ZDHHC18: variants seen among roughly 807,000 people sequenced by gnomAD.
The protein encoded by ZDHHC18 is palmitoyltransferase ZDHHC18.
In ZDHHC18, 23 loss-of-function variants were observed where a neutral mutation model predicts 37.5. That is an observed-to-expected ratio of 0.61 (90% CI 0.44 to 0.87). ZDHHC18 has a LOEUF of 0.87. ZDHHC18 is among the 40% of genes least tolerant of loss of function. The probability of loss-of-function intolerance (pLI) is 0.00; values close to 1 mark genes in which losing one functional copy is unlikely to be tolerated. For synonymous variants in ZDHHC18, 185 were observed against 218.7 expected, an observed-to-expected ratio of 0.85 and a Z score of 1.36; for missense variants, 406 against 525.6, an observed-to-expected ratio of 0.77 and a Z score of 2.22.
intron 2 of ZDHHC18, among the ~76,000 whole-genome samples, chr1:26,847,057 G>A (rs1285225802): frequency 2.6e-5 from 4 of 151,788 alleles, no homozygotes; most frequent in Non-Finnish European, 5.9e-5. Flanking sequence ...CACCACAACC[G>A]GTTAATTTTT....
At chr1:26,851,096 C>A (rs760500948) in intron 5 of ZDHHC18, 33 bp from the exon 6 acceptor site, 67 of 1,594,258 alleles carry the variant, frequency 4.2e-5, no homozygotes, top group Non-Finnish European at 5.8e-5. Flanking sequence ...GGCTCCCCAC[C>A]CTCCACCCAT....
intron 3 of ZDHHC18, among the ~76,000 whole-genome samples, chr1:26,849,443 C>T (rs1403346886): frequency 6.6e-6 from 1 of 152,214 alleles, no homozygotes; most frequent in Non-Finnish European, 1.5e-5. Context: ...CATGCCAGCT[C>T]AGTACTCCCT....
At chr1:26,853,601 CTCCTTTCCTCA>C (rs2081718018) in intron 7 of ZDHHC18, 114 bp from the exon 8 acceptor site, 2 of 923,988 alleles carry the variant, frequency 2.2e-6, no homozygotes, top group South Asian at 3.1e-5. Flanking sequence ...GGCAGCAGCT[CTCCTTTCCTCA>C]GCCTTTCTCA....
chr1:26,846,235 G>GAGATATATAGATATATATCTCT (rs1557644339), intron 2 of ZDHHC18, among the ~76,000 whole-genome samples: 2 of 10,948 alleles, frequency 1.8e-4, no homozygotes, highest in East Asian at 9.6e-3. Context: ...TGTATATAGA[G>GAGATATATAGATATATATCTCT]AGAGAGATAT....
chr1:26,846,168 CTATA>C (rs2081663146), intron 2 of ZDHHC18, among the ~76,000 whole-genome samples: 1 of 139,856 alleles, frequency 7.2e-6, no homozygotes, highest in Non-Finnish European at 1.5e-5. Context: ...GTATATATGT[CTATA>C]TATACACATA....
intron 2 of ZDHHC18, among the ~76,000 whole-genome samples, chr1:26,846,181 T>C (rs1009631313): frequency 1.4e-5 from 2 of 140,850 alleles, no homozygotes; most frequent in Admixed American, 1.5e-4. Flanking sequence ...TATATACACA[T>C]ATATCTATAT....
intron 2 of ZDHHC18, among the ~76,000 whole-genome samples, chr1:26,843,855 A>G (rs1462066320): frequency 6.6e-6 from 1 of 152,148 alleles, no homozygotes; most frequent in African/African-American, 2.4e-5. Context: ...GAATGTACAC[A>G]TGTAATCAGC....
rs1309831305 is a variant in ZDHHC18, at chr1:26,855,127, G to A, written c.*1284G>A. On this transcript the variant is annotated 3_prime_UTR_variant, in exon 8 of 8. Coordinates refer to ENST00000374142, the MANE Select transcript of ZDHHC18 (RefSeq NM_032283.3). Reference sequence around the variant, plus strand: ...AGCCCCCAGGTGAGGCTTCCAGCTGGGACCTGCCCAGACAGGCTGAGCCTG... The same window carrying A: ...AGCCCCCAGGTGAGGCTTCCAGCTGAGACCTGCCCAGACAGGCTGAGCCTG... 1 of 152,320 alleles carries A rather than the reference G, an allele frequency of 6.6e-6. No homozygotes were observed. The highest frequency in any genetic ancestry group is 1.5e-5 in the Non-Finnish European group (1 of 68,130). 9.4% of individuals were successfully genotyped at this position (152,320 alleles called of 1,614,324 possible).
intron 2 of ZDHHC18, among the ~76,000 whole-genome samples, chr1:26,840,036 C>G (rs2081630359): frequency 6.6e-6 from 1 of 152,228 alleles, no homozygotes. Flanking sequence ...CCTCAGGAAG[C>G]CGGGGTACAG....
In ZDHHC18 at chr1:26,841,207, TCAGA is replaced by T. The variant is rs1346638725; in HGVS notation, c.497-7397_497-7394del. ...TAAGGCTGGTCTCGAACTCCTGACC[TCAGA>T]CAGGTGATCCACCTGCCTTGGCCTC... On this transcript the variant is annotated intron_variant, in intron 2 of 7. Coordinates refer to ENST00000374142, the MANE Select transcript of ZDHHC18 (RefSeq NM_032283.3). Among the ~76,000 whole-genome samples the T allele has an allele frequency of 2.6e-5, 4 of 152,244 alleles. No homozygotes were observed. In the East Asian group the frequency reaches 7.7e-4, roughly 29 times the overall value.
intron 2 of ZDHHC18, among the ~76,000 whole-genome samples, chr1:26,842,018 C>G (rs577686151): frequency 3.3e-5 from 5 of 151,990 alleles, no homozygotes; most frequent in Admixed American, 1.3e-4. Context: ...ACCTGTAATC[C>G]CAGCTACCCA....
chr1:26,826,978 G>C lies in ZDHHC18; in HGVS notation c.174G>C (p.Gly58=), dbSNP rs1195370593. ...WSSSGSGSGS[G]SGSLGRRPRR... Reference sequence around the variant, plus strand: ...GCAGCGGCAGCGGCAGCGGCAGCGGGAGCGGGAGCCTCGGCCGCCGCCCAC... The same window carrying C: ...GCAGCGGCAGCGGCAGCGGCAGCGGCAGCGGGAGCCTCGGCCGCCGCCCAC... The change falls in exon 1 of 8, where the codon GGG becomes GGC. Residue 58 remains glycine (G), a synonymous_variant. Coordinates refer to ENST00000374142, the MANE Select transcript of ZDHHC18 (RefSeq NM_032283.3). This position sits in a 1 kb window ranked among gnomAD's most constrained non-coding sequence, Gnocchi z 5.2. 8.2e-7 allele frequency: 1 copy of C among 1,222,572 alleles called. No homozygotes were observed. Among genetic ancestry groups the C allele is most frequent in the South Asian group, 4.1e-5 (1 of 24,400 alleles). The allele number at this position is 1,222,572 out of a possible 1,614,324, so 75.7% of individuals were successfully genotyped here.
chr1:26,827,738 G>C (rs2124242970), intron 1 of ZDHHC18, among the ~76,000 whole-genome samples: 1 of 152,140 alleles, frequency 6.6e-6, no homozygotes, highest in African/African-American at 2.4e-5. Context: ...CTTCCCCTCA[G>C]CCACGCACAC....
At chr1:26,853,652 T>A in intron 7 of ZDHHC18, 74 bp from the exon 8 acceptor site, 2 of 1,408,868 alleles carry the variant, frequency 1.4e-6, no homozygotes, top group Non-Finnish European at 2.0e-6. Context: ...TGAGATAGAC[T>A]CTGCCGTCCA....
chr1:26,857,450 C>G lies in ZDHHC18; in HGVS notation c.*3607C>G, dbSNP rs1402731553. ...TTGCTCTAGGCACTGAGGGACCAAG[C>G]TAGCCGTGCACAGCCCCATACACTT... On this transcript the variant is annotated 3_prime_UTR_variant, in exon 8 of 8. Transcript: ENST00000374142. 6.6e-6 allele frequency: 1 copy of G among 152,222 alleles called. No individual in the cohort carries two copies. Among genetic ancestry groups the G allele is most frequent in the Non-Finnish European group, 1.5e-5 (1 of 68,078 alleles). 9.4% of individuals were successfully genotyped at this position (152,222 alleles called of 1,614,324 possible).
intron 2 of ZDHHC18, among the ~76,000 whole-genome samples, chr1:26,836,513 T>G (rs1217978841): frequency 1.3e-5 from 2 of 152,134 alleles, no homozygotes; most frequent in Non-Finnish European, 2.9e-5. Flanking sequence ...AGTCCAGCCT[T>G]TGTGATTTTT....
chr1:26,848,167 C>G (rs926087692), intron 2 of ZDHHC18, among the ~76,000 whole-genome samples: 1 of 152,122 alleles, frequency 6.6e-6, no homozygotes, highest in Non-Finnish European at 1.5e-5. Context: ...CAAAAATTAG[C>G]TGGGCGTGGT....
At chr1:26,841,324 G>T (rs1441472680) in intron 2 of ZDHHC18, among the ~76,000 whole-genome samples, 1 of 152,084 alleles carries the variant, frequency 6.6e-6, no homozygotes, top group African/African-American at 2.4e-5. Context: ...TAGAGATGGG[G>T]TCTCACACTA....
At chr1:26,834,341 A>G (rs775660289) in intron 2 of ZDHHC18, among the ~76,000 whole-genome samples, 12 of 152,306 alleles carry the variant, frequency 7.9e-5, no homozygotes, top group African/African-American at 2.2e-4. Context: ...CTGTTAACCA[A>G]TTGTACTGAT....
Sources: allele counts gnomAD v4.1 joint callset (sites outside exome capture counted in the v4.1 genomes callset), GRCh38; gene constraint gnomAD v4.1.1; non-coding constraint Gnocchi (gnomAD v3.1); transcripts MANE v1.5; gene names NCBI Gene and HGNC (gene_info 2026-07-23, HGNC 2026-07-21).